UBE2G1: variants seen among roughly 807,000 people sequenced by gnomAD.
The protein encoded by UBE2G1 is ubiquitin-conjugating enzyme E2 G1.
In UBE2G1, 5 loss-of-function variants were observed where a neutral mutation model predicts 22.7. The ratio of observed to expected loss-of-function variants is 0.22; its 90% confidence interval spans 0.12 to 0.46. UBE2G1 has a LOEUF of 0.46. UBE2G1 is among the 20% of genes least tolerant of loss of function. The pLI, the probability that UBE2G1 is intolerant of heterozygous loss-of-function variation, is 0.99. For missense variants in UBE2G1, 88 were observed against 203.9 expected (o/e 0.43, Z 3.46); for synonymous variants, 74 against 67.5 (o/e 1.10, Z -0.47).
intron 5 of UBE2G1, among the ~76,000 whole-genome samples, chr17:4,278,193 C>G (rs1314467596): frequency 6.6e-6 from 1 of 152,220 alleles, no homozygotes. Flanking sequence ...CGCCACCGCG[C>G]CCGGCCTAAG....
chr17:4,312,612 C>T (rs1455381604), intron 1 of UBE2G1, among the ~76,000 whole-genome samples: 9 of 141,404 alleles, frequency 6.4e-5, no homozygotes, highest in Non-Finnish European at 1.4e-4. Flanking sequence ...AGGAAAATGG[C>T]GTGAACCTGG....
intron 1 of UBE2G1, among the ~76,000 whole-genome samples, chr17:4,319,475 C>T (rs1863851727): frequency 6.6e-6 from 1 of 152,160 alleles, no homozygotes; most frequent in African/African-American, 2.4e-5. Flanking sequence ...GTGGCTCATG[C>T]CTGTAATCTC....
chr17:4,363,950 C>CAAAAAAAAA lies in UBE2G1; in HGVS notation c.46+2312_46+2320dup, dbSNP rs1195720643. Among the ~76,000 whole-genome samples the CAAAAAAAAA allele has an allele frequency of 2.0e-4, 9 of 43,904 alleles. 1 individual carries two copies. Among genetic ancestry groups the CAAAAAAAAA allele is most frequent in the African/African-American group, 7.1e-4 (8 of 11,204 alleles). The allele number at this position is 43,904 out of a possible 152,430, so 28.8% of individuals were successfully genotyped here. On this transcript the variant is annotated intron_variant, in intron 1 of 5. Transcript: ENST00000396981. Reference sequence around the variant, plus strand: ...TGGGCAACAGAGTAAGACTCCGTCTCAAAAAAAAAAAAAAAAAAAAAAAAA... The same window carrying CAAAAAAAAA: ...TGGGCAACAGAGTAAGACTCCGTCTCAAAAAAAAAAAAAAAAAAAAAAAAAAAAAAAAAA...
intron 2 of UBE2G1, among the ~76,000 whole-genome samples, chr17:4,300,081 T>C (rs1178639414): frequency 1.0e-4 from 4 of 39,808 alleles, no homozygotes; most frequent in Admixed American, 4.5e-4. Context: ...GCACCTGGCC[T>C]ACCTGCTTTT....
At chr17:4,339,892 T>C (rs1969692133) in intron 1 of UBE2G1, among the ~76,000 whole-genome samples, 2 of 151,888 alleles carry the variant, frequency 1.3e-5, no homozygotes, top group Non-Finnish European at 2.9e-5. Flanking sequence ...AAAATAACAA[T>C]AAAACGTATT....
At chr17:4,321,581 C>T (rs1220621657) in intron 1 of UBE2G1, among the ~76,000 whole-genome samples, 1 of 152,182 alleles carries the variant, frequency 6.6e-6, no homozygotes, top group Non-Finnish European at 1.5e-5. Context: ...CAACCTCCGC[C>T]TCCTGGGCTC....
chr17:4,357,143 TA>T (rs1001658922), intron 1 of UBE2G1, among the ~76,000 whole-genome samples: 1 of 151,528 alleles, frequency 6.6e-6, no homozygotes, highest in Non-Finnish European at 1.5e-5. Flanking sequence ...ACAGAAAAAA[TA>T]AACAATTCCT....
At chr17:4,351,288 GGTTT>G (rs1266375426) in intron 1 of UBE2G1, among the ~76,000 whole-genome samples, 1 of 152,060 alleles carries the variant, frequency 6.6e-6, no homozygotes, top group Admixed American at 6.5e-5. Context: ...CTTCTAAAAA[GGTTT>G]ATTTAAAAAC....
intron 1 of UBE2G1, among the ~76,000 whole-genome samples, chr17:4,347,395 G>A (rs1031716923): frequency 2.0e-5 from 3 of 150,612 alleles, no homozygotes. Context: ...AAGTCTATCA[G>A]TGCCATTTTT....
At chr17:4,318,380 C>T (rs1969401005) in intron 1 of UBE2G1, among the ~76,000 whole-genome samples, 1 of 150,244 alleles carries the variant, frequency 6.7e-6, no homozygotes, top group Non-Finnish European at 1.5e-5. Flanking sequence ...CCCCCGGTAC[C>T]CCAAGGCCAC....
intron 2 of UBE2G1, among the ~76,000 whole-genome samples, 162 bp downstream of exon 2, chr17:4,306,859 C>T (rs1022680553): frequency 2.0e-5 from 3 of 152,112 alleles, no homozygotes; most frequent in African/African-American, 4.8e-5. Flanking sequence ...ACTACATTGG[C>T]CAGGCTGGTC....
At chr17:4,285,371 G>A (rs1351157104) in intron 4 of UBE2G1, among the ~76,000 whole-genome samples, 1 of 151,936 alleles carries the variant, frequency 6.6e-6, no homozygotes, top group African/African-American at 2.4e-5. Context: ...TCAGCAATAA[G>A]AAATAGTAAA....
At chr17:4,295,793 A>G (rs1258559977) in intron 3 of UBE2G1, among the ~76,000 whole-genome samples, 1 of 150,912 alleles carries the variant, frequency 6.6e-6, no homozygotes. Context: ...TTTAAATAAG[A>G]CGTAGTTATT....
intron 1 of UBE2G1, among the ~76,000 whole-genome samples, chr17:4,350,654 T>C (rs1322504408): frequency 6.6e-6 from 1 of 152,150 alleles, no homozygotes; most frequent in African/African-American, 2.4e-5. Flanking sequence ...TTTAAATCAC[T>C]CTTAGATGAT....
intron 1 of UBE2G1, among the ~76,000 whole-genome samples, chr17:4,340,384 C>T (rs773759739): frequency 1.3e-5 from 2 of 152,162 alleles, no homozygotes; most frequent in East Asian, 1.9e-4. Flanking sequence ...AAGCATCTCC[C>T]GGTTCCAACT....
At chr17:4,273,786 T>C (rs1327562222) in intron 5 of UBE2G1, among the ~76,000 whole-genome samples, 1 of 152,198 alleles carries the variant, frequency 6.6e-6, no homozygotes, top group Admixed American at 6.5e-5. Flanking sequence ...TTAGGTCAAG[T>C]GTTCCAAAGA....
intron 3 of UBE2G1, among the ~76,000 whole-genome samples, chr17:4,293,677 TTTG>T (rs1969070635): frequency 6.6e-6 from 1 of 152,178 alleles, no homozygotes; most frequent in Non-Finnish European, 1.5e-5. Context: ...CTCATTGACA[TTTG>T]TTATTATCTT....
chr17:4,307,009 C>T lies in UBE2G1; in HGVS notation c.149+12G>A, dbSNP rs1969256004. On this transcript the variant is annotated intron_variant, in intron 2 of 5. Transcript: ENST00000396981. ...AGCTCCATTTTGAAGATGTCAGTTC[C>T]ATTATACTTACTAAAGTGTATCTGG... The T allele has an allele frequency of 6.2e-7, 1 of 1,606,786 alleles. No homozygotes were observed. The highest frequency in any genetic ancestry group is 8.5e-7 in the Non-Finnish European group (1 of 1,173,778).
chr17:4,276,569 G>C (rs1968824452), intron 5 of UBE2G1, among the ~76,000 whole-genome samples: 1 of 152,192 alleles, frequency 6.6e-6, no homozygotes, highest in Admixed American at 6.5e-5. Context: ...CATTCTATGT[G>C]TTCCTTCTTT....
Sources: gnomAD v4.1 joint callset for allele counts (sites outside exome capture counted in the v4.1 genomes callset) on GRCh38, gnomAD v4.1.1 for gene constraint, MANE v1.5 for transcripts, NCBI Gene and HGNC (gene_info 2026-07-23, HGNC 2026-07-21) for gene names.